The following SPATA13 variants were observed in gnomAD, a reference collection of about 807,000 sequenced individuals.
SPATA13 encodes the protein spermatogenesis-associated protein 13.
Under a neutral mutation model 104.0 loss-of-function variants are expected in SPATA13, and 50 were observed. That is an observed-to-expected ratio of 0.48 (90% CI 0.38 to 0.61). The LOEUF is 0.61. Among genes scored for constraint, SPATA13 ranks in the 20% least tolerant of loss-of-function variants. The pLI is 0.00. For synonymous variants in SPATA13, 606 were observed against 667.5 expected, an observed-to-expected ratio of 0.91 and a Z score of 1.42; for missense variants, 1,524 against 1,690.6, an observed-to-expected ratio of 0.90 and a Z score of 1.73.
rs1875959639 is a variant in SPATA13 at position 24,286,531 on chromosome 13, G to A, written c.2481+138G>A. On this transcript the variant is annotated intron_variant, in intron 6 of 12. Coordinates refer to ENST00000382108, the MANE Select transcript of SPATA13 (RefSeq NM_001166271.3). The surrounding 1 kb of genome is among the most constrained non-coding windows in gnomAD (Gnocchi z 4.9). ...TGCAAGTCACACCTGTAAGAAATTA[G>A]GCTGGGTCGGAGCAAAAATGTTAAA... 1.9e-6 allele frequency: 2 copies of A among 1,055,182 alleles called. No homozygotes were observed. The highest frequency in any genetic ancestry group is 2.9e-5 in the Admixed American group (1 of 34,728). 65.4% of individuals were successfully genotyped at this position (1,055,182 alleles called of 1,614,324 possible). A position where few individuals can be genotyped will look rare whatever the true frequency, so the allele number is the denominator to read the frequency against.
intron 1 of SPATA13, among the ~76,000 whole-genome samples, chr13:24,167,219 G>A (rs1024998070): frequency 1.3e-5 from 2 of 152,204 alleles, no homozygotes; most frequent in Non-Finnish European, 2.9e-5. Context: ...TTGTGTGTGT[G>A]TCTCTCTGGT....
At chr13:24,152,359 C>A (rs1283863375) in intron 3 of SPATA13, among the ~76,000 whole-genome samples, 1 of 152,228 alleles carries the variant, frequency 6.6e-6, no homozygotes, top group Non-Finnish European at 1.5e-5. Context: ...AAACAAGGCA[C>A]AGGCCAGGTG....
intron 3 of SPATA13, among the ~76,000 whole-genome samples, chr13:24,089,099 C>T (rs1879830353): frequency 1.3e-5 from 2 of 152,220 alleles, no homozygotes. Flanking sequence ...ACCAGTGTGT[C>T]AGGGGACACA....
intron 2 of SPATA13, among the ~76,000 whole-genome samples, chr13:24,001,049 C>T (rs976733384): frequency 6.6e-6 from 1 of 152,132 alleles, no homozygotes; most frequent in Non-Finnish European, 1.5e-5. Flanking sequence ...GTTCACTCCC[C>T]TCACCCCCTG....
chr13:24,163,332 GT>G (rs1401392823), intron 1 of SPATA13, among the ~76,000 whole-genome samples: 1 of 152,146 alleles, frequency 6.6e-6, no homozygotes, highest in Non-Finnish European at 1.5e-5. Context: ...AGCCTGGGAG[GT>G]TGAGACTGCA....
intron 1 of SPATA13, among the ~76,000 whole-genome samples, chr13:24,221,702 G>A (rs967190160): frequency 2.6e-5 from 4 of 152,100 alleles, no homozygotes; most frequent in African/African-American, 9.7e-5. Flanking sequence ...AGGTGTGGAA[G>A]TGGATGTGTG....
chr13:24,264,322 G>A (rs1167486700), intron 4 of SPATA13, among the ~76,000 whole-genome samples: 1 of 152,134 alleles, frequency 6.6e-6, no homozygotes, highest in East Asian at 1.9e-4. Context: ...AGGAGAGCAA[G>A]ACAGCTAAAT....
chr13:24,161,482 C>T lies in SPATA13; in HGVS notation c.-112+550C>T, dbSNP rs1002861424. Among the ~76,000 whole-genome samples, 2 of 152,204 alleles carry T rather than the reference C, an allele frequency of 1.3e-5. No homozygotes were observed. Among genetic ancestry groups the T allele is most frequent in the Non-Finnish European group, 2.9e-5 (2 of 68,034 alleles). ...AGGGGAAAGATTTTGGGACCCGGTGCCCATCGTCTGTGGACTGCAGGGAAT... is the reference window on the plus strand; with the variant it reads ...AGGGGAAAGATTTTGGGACCCGGTGTCCATCGTCTGTGGACTGCAGGGAAT... On this transcript the variant is annotated intron_variant, in intron 1 of 12. Transcript: ENST00000382108. The surrounding 1 kb of genome is among the most constrained non-coding windows in gnomAD (Gnocchi z 4.5).
At chr13:24,019,304 G>A (rs1323734948) in intron 3 of SPATA13, among the ~76,000 whole-genome samples, 1 of 151,792 alleles carries the variant, frequency 6.6e-6, no homozygotes, top group Non-Finnish European at 1.5e-5. Flanking sequence ...TAGCCGGGAT[G>A]GTCTCGATCT....
intron 3 of SPATA13, among the ~76,000 whole-genome samples, chr13:24,152,538 G>T (rs1306470876): frequency 1.3e-5 from 2 of 152,240 alleles, no homozygotes; most frequent in Non-Finnish European, 2.9e-5. Flanking sequence ...TGCACAGCGG[G>T]TGTTCTATGC....
intron 3 of SPATA13, among the ~76,000 whole-genome samples, chr13:24,020,849 C>G (rs1491000304): frequency 6.6e-6 from 1 of 152,164 alleles, no homozygotes; most frequent in Non-Finnish European, 1.5e-5. Flanking sequence ...CAAGACCAGC[C>G]TGGCCGAGAT....
At chr13:24,168,710 CT>C (rs778077054) in intron 1 of SPATA13, among the ~76,000 whole-genome samples, 3 of 152,096 alleles carry the variant, frequency 2.0e-5, no homozygotes, top group African/African-American at 2.4e-5. Context: ...TCCATGGCTG[CT>C]TCTGAAATAA....
intron 3 of SPATA13, among the ~76,000 whole-genome samples, chr13:24,035,771 T>C (rs988937025): frequency 1.3e-5 from 2 of 152,104 alleles, no homozygotes; most frequent in Non-Finnish European, 2.9e-5. Context: ...CCCAGCACTT[T>C]AGGAGGCCAA....
At chr13:24,076,971 C>T (rs976853850) in intron 3 of SPATA13, among the ~76,000 whole-genome samples, 12 of 151,960 alleles carry the variant, frequency 7.9e-5, no homozygotes, top group South Asian at 4.2e-4. Flanking sequence ...CAGGGGGATA[C>T]GGCAAAGTCC....
At chr13:24,016,577 ACT>A (rs1876721327) in intron 2 of SPATA13, among the ~76,000 whole-genome samples, 1 of 151,716 alleles carries the variant, frequency 6.6e-6, no homozygotes, top group Non-Finnish European at 1.5e-5. Context: ...ACCTCCACTG[ACT>A]CTTCCTAAGC....
At chr13:24,019,302 A>T (rs1276116998) in intron 3 of SPATA13, among the ~76,000 whole-genome samples, 2 of 151,566 alleles carry the variant, frequency 1.3e-5, no homozygotes, top group African/African-American at 4.8e-5. Flanking sequence ...TTTAGCCGGG[A>T]TGGTCTCGAT....
upstream of SPATA13, among the ~76,000 whole-genome samples, chr13:24,155,856 G>C (rs1882242928): frequency 6.6e-6 from 1 of 152,118 alleles, no homozygotes; most frequent in Non-Finnish European, 1.5e-5. Flanking sequence ...TCCCACTGCA[G>C]CCTCTGGCAA....
At chr13:24,028,642 C>T (rs555663473) in intron 3 of SPATA13, among the ~76,000 whole-genome samples, 10 of 152,180 alleles carry the variant, frequency 6.6e-5, no homozygotes, top group Non-Finnish European at 1.2e-4. Context: ...TAACTACTAT[C>T]AGTTTTGGAA....
At chr13:24,179,583 T>C (rs1468243662) in intron 1 of SPATA13, among the ~76,000 whole-genome samples, 1 of 103,444 alleles carries the variant, frequency 9.7e-6, no homozygotes, top group Non-Finnish European at 2.4e-5. Flanking sequence ...ACTGAAACTC[T>C]GTACAGATTA....
Sources: gnomAD v4.1 joint callset for allele counts (sites outside exome capture counted in the v4.1 genomes callset) on GRCh38, gnomAD v4.1.1 for gene constraint, Gnocchi (gnomAD v3.1) non-coding constraint, MANE v1.5 for transcripts, NCBI Gene and HGNC (gene_info 2026-07-23, HGNC 2026-07-21) for gene names.